Variants in COLQ observed in about 807,000 individuals in gnomAD.
COLQ encodes the protein acetylcholinesterase collagenic tail peptide.
A neutral mutation model predicts 69.0 loss-of-function variants in COLQ; 48 were observed. The observed-to-expected ratio is 0.70, with a 90% CI of 0.55 to 0.88. The LOEUF (loss-of-function observed/expected upper bound fraction) is 0.88, where lower values mean the gene tolerates loss of function less well. Among genes scored for constraint, COLQ ranks in the 40% least tolerant of loss-of-function variants. The pLI is 0.00. For synonymous variants in COLQ, 217 were observed against 211.2 expected (o/e 1.03, Z -0.24); for missense variants, 618 against 594.6 (o/e 1.04, Z -0.41).
At chr3:15,458,846 A>T (rs949582327) in intron 12 of COLQ, among the ~76,000 whole-genome samples, 8 of 145,546 alleles carry the variant, frequency 5.5e-5, no homozygotes, top group Non-Finnish European at 7.6e-5. Context: ...TATATATAGA[A>T]TTTTTTTTTT....
intron 3 of COLQ, among the ~76,000 whole-genome samples, chr3:15,487,676 G>T (rs2062596301): frequency 6.6e-6 from 1 of 152,218 alleles, no homozygotes; most frequent in Admixed American, 6.5e-5. Context: ...GGTCTCTGGA[G>T]GGTACTCTTG....
At chr3:15,495,720 G>C (rs977154313) in intron 1 of COLQ, among the ~76,000 whole-genome samples, 2 of 152,294 alleles carry the variant, frequency 1.3e-5, no homozygotes, top group South Asian at 4.2e-4. Flanking sequence ...TTTCTCAGTG[G>C]TAAAATAATA....
At position 15,466,418 on chromosome 3, in the gene COLQ, C is replaced by G. The variant is rs146687198; in HGVS notation, c.737G>C (p.Gly246Ala). 5.4e-4 allele frequency: 864 copies of G among 1,613,992 alleles called. No homozygotes were observed. Among genetic ancestry groups the G allele is most frequent in the Non-Finnish European group, 7.0e-4 (825 of 1,180,018 alleles). The change falls in exon 12 of 17, where the codon GGA becomes GCA. Residue 246 changes from glycine (G) to alanine (A), a missense_variant. Transcript: ENST00000383788. ...AGGCTTGCCTGGTGGGCCCATAACTCCACTATCCCCTTTCTGTCCCTGACA... is the reference window on the plus strand; with the variant it reads ...AGGCTTGCCTGGTGGGCCCATAACTGCACTATCCCCTTTCTGTCCCTGACA... ...RGKQGQKGDS[G>A]VMGPPGKPGP...
rs190224581 is a variant in COLQ, at chr3:15,516,499, G to A, written c.106+5021C>T. ...TCTCACCATCTGGTTTCTGAGACCC[G>A]GACCCAAACATCACCTGAAGAGTCC... is the stretch of plus-strand genomic sequence containing the variant. On this transcript the variant is annotated intron_variant, in intron 1 of 16. Transcript: ENST00000383788. 4.8e-4 allele frequency among the ~76,000 whole-genome samples: 73 copies of A among 152,244 alleles called. 2 individuals carry two copies. Among genetic ancestry groups the A allele is most frequent in the Non-Finnish European group, 1.5e-5 (1 of 68,016 alleles).
intron 11 of COLQ, among the ~76,000 whole-genome samples, chr3:15,469,061 G>C (rs1187259152): frequency 1.3e-5 from 2 of 152,142 alleles, no homozygotes; most frequent in Non-Finnish European, 2.9e-5. Context: ...GGCTTCTAAG[G>C]CTAACAATTC....
intron 1 of COLQ, among the ~76,000 whole-genome samples, chr3:15,502,271 A>T (rs1397043692): frequency 1.3e-5 from 2 of 152,000 alleles, no homozygotes; most frequent in East Asian, 3.9e-4. Flanking sequence ...ACCTGCCACC[A>T]AGCCTGGCTA....
intron 10 of COLQ, 122 bp from the exon 11 acceptor site, chr3:15,470,738 A>G: frequency 1.1e-6 from 1 of 911,356 alleles, no homozygotes; most frequent in South Asian, 1.3e-5. Context: ...ATCTATGCCA[A>G]CTGGGCTGCC....
At chr3:15,461,135 C>T (rs562878769) in intron 12 of COLQ, among the ~76,000 whole-genome samples, 20 of 152,154 alleles carry the variant, frequency 1.3e-4, no homozygotes, top group African/African-American at 4.8e-4. Context: ...AGGACTCAGC[C>T]AAATTTGTAA....
At chr3:15,459,197 T>C (rs2062069113) in intron 12 of COLQ, among the ~76,000 whole-genome samples, 1 of 152,172 alleles carries the variant, frequency 6.6e-6, no homozygotes, top group Non-Finnish European at 1.5e-5. Flanking sequence ...TCATTTCTTC[T>C]GGAAGAAAAT....
rs762569596 is a variant in COLQ, at chr3:15,488,195, A to G, written c.321+11T>C. 1 of 1,604,388 alleles carries G rather than the reference A, an allele frequency of 6.2e-7. No homozygotes were observed. Among genetic ancestry groups the G allele is most frequent in the Non-Finnish European group, 8.5e-7 (1 of 1,173,646 alleles). The stretch of plus-strand genomic sequence containing the variant: ...GAAGACAGCGAGAGGGGTCCGGTAG[A>G]GTGCACCAACCTGGGGGCCGGGAGG... On this transcript the variant is annotated intron_variant, in intron 3 of 16. Coordinates refer to ENST00000383788, the MANE Select transcript of COLQ (RefSeq NM_005677.4).
chr3:15,470,521 C>G lies in COLQ; in HGVS notation c.717+15G>C. On this transcript the variant is annotated intron_variant, in intron 11 of 16. Coordinates refer to ENST00000383788, the MANE Select transcript of COLQ (RefSeq NM_005677.4). The stretch of plus-strand genomic sequence containing the variant: ...GTTCTGACCTCAGGCGGGTGGTAAG[C>G]CCTGGGATCCTTACCTGCTTGCCTC... The G allele has an allele frequency of 1.9e-6, 3 of 1,611,896 alleles. No individual in the cohort carries two copies. Among genetic ancestry groups the G allele is most frequent in the Non-Finnish European group, 2.5e-6 (3 of 1,178,882 alleles).
chr3:15,490,219 G>C (rs919363754), intron 1 of COLQ, among the ~76,000 whole-genome samples: 1 of 152,206 alleles, frequency 6.6e-6, no homozygotes, highest in Non-Finnish European at 1.5e-5. Context: ...GAAATAAAGG[G>C]AGGGCCCTGA....
rs987920229 is a variant in COLQ at position 15,450,374 on chromosome 3, C to T, written c.*1270G>A. Reference sequence around the variant, plus strand: ...CCCAAGCTCCAGCCTGCTGAGTCCCCAAGACACAGGCTCATTAAATAGCTT... The same window carrying T: ...CCCAAGCTCCAGCCTGCTGAGTCCCTAAGACACAGGCTCATTAAATAGCTT... On this transcript the variant is annotated 3_prime_UTR_variant, in exon 17 of 17. Coordinates refer to ENST00000383788, the MANE Select transcript of COLQ (RefSeq NM_005677.4). The T allele has an allele frequency of 6.5e-6, 1 of 153,762 alleles. No homozygotes were observed. Among genetic ancestry groups the T allele is most frequent in the African/African-American group, 2.4e-5 (1 of 41,454 alleles). The allele number at this position is 153,762 out of a possible 1,614,324, so 9.5% of individuals were successfully genotyped here. A position where few individuals can be genotyped will look rare whatever the true frequency, so the allele number is the denominator to read the frequency against.
At chr3:15,455,467 G>C (rs2062010889) in intron 15 of COLQ, among the ~76,000 whole-genome samples, 1 of 152,204 alleles carries the variant, frequency 6.6e-6, no homozygotes, top group African/African-American at 2.4e-5. Flanking sequence ...TTCCCCTACG[G>C]AGGGCTTTGC....
At chr3:15,460,034 A>C (rs1036697219) in intron 12 of COLQ, among the ~76,000 whole-genome samples, 3 of 152,140 alleles carry the variant, frequency 2.0e-5, no homozygotes, top group African/African-American at 7.2e-5. Context: ...CACTTCTTGA[A>C]GGAAGACTTT....
At chr3:15,474,171 G>A (rs973825638) in intron 9 of COLQ, 57 bp downstream of exon 9, 1 of 1,603,754 alleles carries the variant, frequency 6.2e-7, no homozygotes, top group Non-Finnish European at 8.5e-7. Context: ...GGGGGTGGGT[G>A]GGGGCTGCTA....
rs190920678 is a variant in COLQ at position 15,503,121 on chromosome 3, C to G, written c.107-13484G>C. Among the ~76,000 whole-genome samples the G allele has an allele frequency of 5.4e-4, 82 of 152,304 alleles. 1 individual carries two copies. Among genetic ancestry groups the G allele is most frequent in the Admixed American group, 1.8e-3 (28 of 15,306 alleles). On this transcript the variant is annotated intron_variant, in intron 1 of 16. Coordinates refer to ENST00000383788, the MANE Select transcript of COLQ (RefSeq NM_005677.4). ...TGGTGATGGCTCACTGGTTCCCAAC[C>G]ACTTCCAACCTTCCTGCTGTCCTCA...
intron 6 of COLQ, 28 bp downstream of exon 6, chr3:15,477,098 A>G: frequency 6.3e-7 from 1 of 1,584,234 alleles, no homozygotes. Context: ...TTGACACCGC[A>G]TGAGCCCTGA....
At chr3:15,474,883 C>G (rs1367876841) in intron 8 of COLQ, 42 bp downstream of exon 8, 1 of 1,612,212 alleles carries the variant, frequency 6.2e-7, no homozygotes, top group South Asian at 1.1e-5. Context: ...GAGCCAGTAG[C>G]CCAGACCAGG....
Sources: allele counts gnomAD v4.1 joint callset (sites outside exome capture counted in the v4.1 genomes callset), GRCh38; gene constraint gnomAD v4.1.1; transcripts MANE v1.5; gene names NCBI Gene and HGNC (gene_info 2026-07-23, HGNC 2026-07-21).